SMARCA5: variants seen among roughly 807,000 people sequenced by gnomAD.
The protein encoded by SMARCA5 is SNF2 related chromatin remodeling ATPase 5.
Under a neutral mutation model 140.4 loss-of-function variants are expected in SMARCA5, and 18 were observed. The observed-to-expected ratio is 0.13, with a 90% CI of 0.09 to 0.19. SMARCA5 has a LOEUF of 0.19. Among genes scored for constraint, SMARCA5 ranks in the 10% least tolerant of loss-of-function variants. The pLI, the probability that SMARCA5 is intolerant of heterozygous loss-of-function variation, is 1.00. For missense variants in SMARCA5, 606 were observed against 1,276.8 expected (o/e 0.47, Z 8.01); for synonymous variants, 449 against 419.6 (o/e 1.07, Z -0.86).
intron 18 of SMARCA5, 136 bp downstream of exon 18, chr4:143,545,719 G>A: frequency 1.3e-6 from 1 of 775,394 alleles, no homozygotes; most frequent in Non-Finnish European, 2.2e-6. Flanking sequence ...TTGTATGTAT[G>A]AAATACATAA....
Position 143,545,574 on chromosome 4 carries a change from T to C in SMARCA5, c.2388T>C (p.Ile796=), listed in dbSNP as rs61748162. The change falls in exon 18 of 24, where the codon ATT becomes ATC. Residue 796 remains isoleucine, a synonymous_variant. Transcript: ENST00000283131. ...AAATTCTGTTTTACAGAAAAACTATTGGGTACAAGGTAATTGAAATTATCT... is the reference window on the plus strand; with the variant it reads ...AAATTCTGTTTTACAGAAAAACTATCGGGTACAAGGTAATTGAAATTATCT... The part of the protein sequence containing the change: ...EKEILFYRKT[I]GYKVPRNPEL... 3.8e-3 allele frequency: 5,994 copies of C among 1,558,334 alleles called. 26 individuals are homozygous for C. The highest frequency in any genetic ancestry group is 4.8e-3 in the Non-Finnish European group (5,449 of 1,129,548).
intron 3 of SMARCA5, among the ~76,000 whole-genome samples, chr4:143,522,465 G>A (rs1158969449): frequency 6.6e-6 from 1 of 152,202 alleles, no homozygotes; most frequent in Non-Finnish European, 1.5e-5. Context: ...AAAAGAAGAA[G>A]TATCAACAAG....
chr4:143,528,684 T>C lies in SMARCA5; in HGVS notation c.1059T>C (p.Phe353=), dbSNP rs144248802. 2.5e-6 allele frequency: 4 copies of C among 1,613,360 alleles called. No homozygotes were observed. In the African/African-American group the frequency reaches 5.3e-5, roughly 22 times the overall value. ...NLHELWSLLN[F]LLPDVFNSAD... ...ATGAGCTGTGGTCACTTCTTAACTT[T>C]CTGTTGCCAGATGTGTTTAATTCAG... The change falls in exon 8 of 24, where the codon TTT becomes TTC. Residue 353 remains phenylalanine, a synonymous_variant. Transcript: ENST00000283131.
intron 18 of SMARCA5, 23 bp from the exon 19 acceptor site, chr4:143,545,902 T>C: frequency 6.3e-7 from 1 of 1,589,586 alleles, no homozygotes; most frequent in East Asian, 2.2e-5. Flanking sequence ...ACTGATTTGA[T>C]GGCATAGAAA....
intron 14 of SMARCA5, among the ~76,000 whole-genome samples, chr4:143,541,969 TGCCTCA>T (rs1274921996): frequency 6.6e-6 from 1 of 152,052 alleles, no homozygotes; most frequent in African/African-American, 2.4e-5. Flanking sequence ...GCAATTCTGC[TGCCTCA>T]GCCTCCTGAG....
Position 143,531,355 on chromosome 4 carries a change from G to A in SMARCA5, c.1158+829G>A, listed in dbSNP as rs540607807. Among the ~76,000 whole-genome samples the A allele has an allele frequency of 6.6e-5, 10 of 152,328 alleles. No homozygotes were observed. In the East Asian group the frequency reaches 1.9e-3, roughly 29 times the overall value. On this transcript the variant is annotated intron_variant, in intron 9 of 23. Coordinates refer to ENST00000283131, the MANE Select transcript of SMARCA5 (RefSeq NM_003601.4). ...TCACAAGTAAAAGTTGGTAGGTAGA[G>A]AAACTTCTCTAACAGACACCAGATT...
At chr4:143,529,275 C>G (rs894542667) in intron 8 of SMARCA5, among the ~76,000 whole-genome samples, 1 of 152,172 alleles carries the variant, frequency 6.6e-6, no homozygotes, top group Admixed American at 6.5e-5. Context: ...TCTGAAATGG[C>G]ATAAATTGTC....
chr4:143,550,119 A>C lies in SMARCA5; in HGVS notation c.3093+15A>C. On this transcript the variant is annotated intron_variant, in intron 23 of 23. Transcript: ENST00000283131. ...CAAAGCCTTCAGTAAGTATTCATGA[A>C]TATGTAAATATGTGGATTATGTAAA... is the stretch of plus-strand genomic sequence containing the variant. The C allele has an allele frequency of 7.4e-7, 1 of 1,346,182 alleles. No individual in the cohort carries two copies. The highest frequency in any genetic ancestry group is 1.0e-6 in the Non-Finnish European group (1 of 965,600). The allele number at this position is 1,346,182 out of a possible 1,614,324, so 83.4% of individuals were successfully genotyped here. A position where few individuals can be genotyped will look rare whatever the true frequency, so the allele number is the denominator to read the frequency against.
intron 1 of SMARCA5, among the ~76,000 whole-genome samples, chr4:143,515,989 T>C (rs1736821899): frequency 6.6e-6 from 1 of 152,170 alleles, no homozygotes. Flanking sequence ...GTGTGATTTT[T>C]TTTTTTGTCT....
chr4:143,542,080 G>A (rs1223866679), intron 14 of SMARCA5, among the ~76,000 whole-genome samples: 1 of 151,902 alleles, frequency 6.6e-6, no homozygotes, highest in Admixed American at 6.6e-5. Context: ...GGCTGGTCTT[G>A]AACTCCTGAC....
chr4:143,531,742 AT>A (rs1166745830), intron 9 of SMARCA5, among the ~76,000 whole-genome samples: 8 of 152,124 alleles, frequency 5.3e-5, no homozygotes, highest in African/African-American at 1.9e-4. Context: ...AATTTGATAG[AT>A]TGCTGACCCC....
intron 19 of SMARCA5, among the ~76,000 whole-genome samples, chr4:143,546,438 C>A (rs1737527967): frequency 6.6e-6 from 1 of 152,082 alleles, no homozygotes. Flanking sequence ...TTTAAAGCTT[C>A]ATTTTCCTTC....
chr4:143,519,718 T>G (rs1268381048), intron 2 of SMARCA5, among the ~76,000 whole-genome samples: 1 of 152,182 alleles, frequency 6.6e-6, no homozygotes, highest in East Asian at 1.9e-4. Context: ...CCCAGAATGC[T>G]GAGTACTACT....
At chr4:143,528,323 A>C (rs1181681781) in intron 7 of SMARCA5, among the ~76,000 whole-genome samples, 1 of 152,140 alleles carries the variant, frequency 6.6e-6, no homozygotes, top group Non-Finnish European at 1.5e-5. Flanking sequence ...CCCACTTATG[A>C]GTGAGAACAT....
rs148912633 is a variant in SMARCA5 at position 143,521,613 on chromosome 4, C to A, written c.419+18C>A. ...GTTGGCGAGTGAGTAATAGTTTAAA[C>A]TTCATAGTTCAACCAAACTTATTTT... On this transcript the variant is annotated intron_variant, in intron 3 of 23. Coordinates refer to ENST00000283131, the MANE Select transcript of SMARCA5 (RefSeq NM_003601.4). The A allele has an allele frequency of 1.4e-4, 214 of 1,578,760 alleles. 1 individual carries two copies. In the South Asian group the frequency reaches 2.5e-3, roughly 18 times the overall value.
rs1210417186 is a variant in SMARCA5, at chr4:143,553,865, C to G, written c.*681C>G. ...TCCGGTTCCTTAAGGTATTACTGTA[C>G]CATTTTGTAAAAGGAATATTATTAT... On this transcript the variant is annotated 3_prime_UTR_variant, in exon 24 of 24. Transcript: ENST00000283131. 6.6e-6 allele frequency: 1 copy of G among 151,372 alleles called. No homozygotes were observed. The highest frequency in any genetic ancestry group is 1.9e-4 in the East Asian group (1 of 5,186). 9.4% of individuals were successfully genotyped at this position (151,372 alleles called of 1,614,324 possible). A position where few individuals can be genotyped will look rare whatever the true frequency, so the allele number is the denominator to read the frequency against.
intron 9 of SMARCA5, among the ~76,000 whole-genome samples, chr4:143,531,008 G>A (rs1416020772): frequency 6.6e-6 from 1 of 152,126 alleles, no homozygotes; most frequent in Admixed American, 6.5e-5. Context: ...TAGAGATAGT[G>A]TTTCACCATG....
At chr4:143,536,709 C>G (rs1737312101) in intron 11 of SMARCA5, 31 bp downstream of exon 11, 4 of 1,481,484 alleles carry the variant, frequency 2.7e-6, no homozygotes, top group Non-Finnish European at 3.8e-6. Flanking sequence ...ATTATCAAAA[C>G]TGTTTTAAAA....
At chr4:143,528,106 A>G (rs1737111135) in intron 7 of SMARCA5, 83 bp downstream of exon 7, 1 of 1,043,580 alleles carries the variant, frequency 9.6e-7, no homozygotes, top group African/African-American at 1.6e-5. Context: ...ACTTTAAGTT[A>G]TGAGATACAT....
Sources: gnomAD v4.1 joint callset for allele counts (sites outside exome capture counted in the v4.1 genomes callset) on GRCh38, gnomAD v4.1.1 for gene constraint, MANE v1.5 for transcripts, NCBI Gene and HGNC (gene_info 2026-07-23, HGNC 2026-07-21) for gene names.